Variants in MINAR1 observed in about 807,000 individuals in gnomAD.
MINAR1 encodes the protein membrane integral NOTCH2 associated receptor 1.
In MINAR1, 40 loss-of-function variants were observed where a neutral mutation model predicts 65.1. The observed-to-expected ratio is 0.61, with a 90% CI of 0.48 to 0.80. The LOEUF (loss-of-function observed/expected upper bound fraction) is 0.80. Ranked by LOEUF, MINAR1 falls within the 30% of genes least tolerant of loss-of-function variation. The pLI, the probability that MINAR1 is intolerant of heterozygous loss-of-function variation, is 0.00. For missense variants in MINAR1, 1,128 were observed against 1,148.0 expected, an observed-to-expected ratio of 0.98 and a Z score of 0.25; for synonymous variants, 482 against 449.1, an observed-to-expected ratio of 1.07 and a Z score of -0.93.
chr15:79,456,986 A>G lies in MINAR1; in HGVS notation c.839A>G (p.Lys280Arg), dbSNP rs774295331. The G allele has an allele frequency of 6.2e-7, 1 of 1,614,026 alleles. No individual in the cohort carries two copies. Among genetic ancestry groups the G allele is most frequent in the African/African-American group, 1.3e-5 (1 of 74,912 alleles). ...CCCAGTTTGGTTGGCCCCATCAGCA[A>G]AGCAGAGAATGAGCACAGGGAACCC... ...VSPSLVGPISKAENEHREPQS... is the reference protein window; with the variant it reads ...VSPSLVGPISRAENEHREPQS... The change falls in exon 2 of 4, where the codon AAA becomes AGA. Residue 280 changes from lysine (K) to arginine (R), a missense_variant. Lys to Arg is a conservative substitution (Grantham distance 26). Coordinates refer to ENST00000305428, the MANE Select transcript of MINAR1 (RefSeq NM_015206.3).
chr15:79,444,468 T>A (rs187634297), intron 1 of MINAR1, among the ~76,000 whole-genome samples: 1 of 152,292 alleles, frequency 6.6e-6, no homozygotes, highest in East Asian at 1.9e-4. Flanking sequence ...TTCTTCCATT[T>A]TCCTTTGTAT....
At chr15:79,435,742 G>T (rs1189963758) in intron 1 of MINAR1, among the ~76,000 whole-genome samples, 4 of 152,206 alleles carry the variant, frequency 2.6e-5, no homozygotes, top group Admixed American at 1.3e-4. Flanking sequence ...CAGGGACTTT[G>T]ATTTATTTGT....
At chr15:79,465,001 G>T (rs971555114) in intron 3 of MINAR1, among the ~76,000 whole-genome samples, 13 of 152,216 alleles carry the variant, frequency 8.5e-5, no homozygotes, top group Admixed American at 1.3e-4. Context: ...AAAGTTTGCA[G>T]GGAGGGAGCT....
intron 1 of MINAR1, among the ~76,000 whole-genome samples, chr15:79,447,126 G>C (rs1380425947): frequency 6.6e-6 from 1 of 152,114 alleles, no homozygotes; most frequent in Non-Finnish European, 1.5e-5. Flanking sequence ...GACCTCAAAT[G>C]ATCCACCCAC....
chr15:79,452,552 GTGAGT>G (rs1895251085), intron 1 of MINAR1, among the ~76,000 whole-genome samples: 1 of 150,236 alleles, frequency 6.7e-6, no homozygotes, highest in Non-Finnish European at 1.5e-5. Context: ...GTGTGTGTGG[GTGAGT>G]CTGTGTGTGT....
In MINAR1 at chr15:79,471,726, G is replaced by GAAAT. The variant is rs1020096516; in HGVS notation, c.*3344_*3347dup. ...ATTTGTTGTTGTTGTTTTTTTTTTTGAAATAGAAAAAAACAGAAGAAGCTC... is the reference window on the plus strand; with the variant it reads ...ATTTGTTGTTGTTGTTTTTTTTTTTGAAATAAATAGAAAAAAACAGAAGAAGCTC... On this transcript the variant is annotated 3_prime_UTR_variant, in exon 4 of 4. Coordinates refer to ENST00000305428, the MANE Select transcript of MINAR1 (RefSeq NM_015206.3). 1.4e-5 allele frequency: 2 copies of GAAAT among 144,246 alleles called. No homozygotes were observed. Among genetic ancestry groups the GAAAT allele is most frequent in the Non-Finnish European group, 3.0e-5 (2 of 65,940 alleles). The allele number at this position is 144,246 out of a possible 1,614,324, so 8.9% of individuals were successfully genotyped here. A position where few individuals can be genotyped will look rare whatever the true frequency, so the allele number is the denominator to read the frequency against.
At position 79,463,071 on chromosome 15, in the gene MINAR1, A is replaced by G; in HGVS notation, c.2303A>G (p.Asp768Gly). The G allele has an allele frequency of 6.2e-7, 1 of 1,610,634 alleles. No homozygotes were observed. Among genetic ancestry groups the G allele is most frequent in the Non-Finnish European group, 8.5e-7 (1 of 1,177,336 alleles). Residue 768 changes from aspartate to glycine, a missense_variant, in exon 3 of 4, where the codon GAC becomes GGC. Asp to Gly is a moderately conservative substitution (Grantham distance 94). Coordinates refer to ENST00000305428, the MANE Select transcript of MINAR1 (RefSeq NM_015206.3). ...KDWHRKSKEADRQYDIPPQHR... is the reference protein window; with the variant it reads ...KDWHRKSKEAGRQYDIPPQHR... Reference sequence around the variant, plus strand: ...CTTCTTTGTGCCCCTCTGCAGGCAGACAGGCAGTACGACATTCCCCCACAG... The same window carrying G: ...CTTCTTTGTGCCCCTCTGCAGGCAGGCAGGCAGTACGACATTCCCCCACAG...
At chr15:79,424,116 A>G in the MINAR1 span, 1 of 152,220 alleles carries the variant, frequency 6.6e-6, no homozygotes, top group African/African-American at 2.4e-5. Flanking sequence ...TGGTTATTTC[A>G]GTGGAAACCT....
the MINAR1 span, chr15:79,422,836 G>A: frequency 3.3e-5 from 5 of 152,280 alleles, no homozygotes; most frequent in Non-Finnish European, 5.9e-5. Context: ...TAGAACAAGA[G>A]GAAATAAAAC....
At chr15:79,454,799 G>A (rs2141291666) in intron 1 of MINAR1, among the ~76,000 whole-genome samples, 1 of 152,276 alleles carries the variant, frequency 6.6e-6, no homozygotes, top group East Asian at 1.9e-4. Context: ...AACTTTCTGG[G>A]GCAATGGGAA....
At chr15:79,462,270 C>T (rs577833135) in intron 2 of MINAR1, among the ~76,000 whole-genome samples, 10 of 152,220 alleles carry the variant, frequency 6.6e-5, no homozygotes, top group Admixed American at 2.6e-4. Flanking sequence ...AGTTCAAAGG[C>T]GCAAATGCTG....
rs140767875 is a variant in MINAR1 at position 79,461,351 on chromosome 15, T to G, written c.2299-1716T>G. On this transcript the variant is annotated intron_variant, in intron 2 of 3. Transcript: ENST00000305428. Reference sequence around the variant, plus strand: ...TCAGAATTTTAATGAGAAGATGAAATGAAGACAATGCATGTTTAGCACTGA... The same window carrying G: ...TCAGAATTTTAATGAGAAGATGAAAGGAAGACAATGCATGTTTAGCACTGA... Among the ~76,000 whole-genome samples the G allele has an allele frequency of 1.6e-3, 239 of 152,306 alleles. 1 individual carries two copies. The highest frequency in any genetic ancestry group is 5.3e-3 in the African/African-American group (221 of 41,554).
chr15:79,443,046 A>G (rs1894916563), intron 1 of MINAR1, among the ~76,000 whole-genome samples: 1 of 152,182 alleles, frequency 6.6e-6, no homozygotes. Flanking sequence ...TGACACCAAC[A>G]CTGAGCAGAT....
chr15:79,413,011 A>T, the MINAR1 span: 1 of 150,684 alleles, frequency 6.6e-6, no homozygotes, highest in Non-Finnish European at 1.5e-5. Context: ...AACTCATCTT[A>T]TAACACAAGC....
chr15:79,437,279 T>C (rs1271450770), intron 1 of MINAR1, among the ~76,000 whole-genome samples: 1 of 152,158 alleles, frequency 6.6e-6, no homozygotes, highest in Non-Finnish European at 1.5e-5. Flanking sequence ...GCTACGTGAG[T>C]GCAGAATGGG....
At chr15:79,421,331 CT>C in the MINAR1 span, 1 of 152,170 alleles carries the variant, frequency 6.6e-6, no homozygotes, top group Non-Finnish European at 1.5e-5. Context: ...TAGTGACCTC[CT>C]TATGGAGGGC....
the MINAR1 span, chr15:79,420,910 A>G: frequency 6.6e-6 from 1 of 152,324 alleles, no homozygotes; most frequent in Non-Finnish European, 1.5e-5. Flanking sequence ...CTCCAGCTCT[A>G]AGCTTGAAAG....
chr15:79,413,571 G>T, the MINAR1 span: 1 of 152,252 alleles, frequency 6.6e-6, no homozygotes, highest in African/African-American at 2.4e-5. Context: ...AGAAACCTTG[G>T]CCTTGTCCCA....
In MINAR1 at chr15:79,471,358, TTC is replaced by T. The variant is rs1206834660; in HGVS notation, c.*2976_*2977del. Reference sequence around the variant, plus strand: ...TGATTAAATTCATAATCATTTCATCTTCTTTCATAATCATTTCATCTTCTAAT... The same window carrying T: ...TGATTAAATTCATAATCATTTCATCTTTTCATAATCATTTCATCTTCTAAT... On this transcript the variant is annotated 3_prime_UTR_variant, in exon 4 of 4. Coordinates refer to ENST00000305428, the MANE Select transcript of MINAR1 (RefSeq NM_015206.3). 1.3e-5 allele frequency: 2 copies of T among 152,776 alleles called. No individual in the cohort carries two copies. The highest frequency in any genetic ancestry group is 3.9e-4 in the East Asian group (2 of 5,192). 9.5% of individuals were successfully genotyped at this position (152,776 alleles called of 1,614,324 possible). A position where few individuals can be genotyped will look rare whatever the true frequency, so the allele number is the denominator to read the frequency against.
Sources: allele counts gnomAD v4.1 joint callset (sites outside exome capture counted in the v4.1 genomes callset), GRCh38; gene constraint gnomAD v4.1.1; transcripts MANE v1.5; gene names NCBI Gene and HGNC (gene_info 2026-07-23, HGNC 2026-07-21).